PPP2R5E: variants seen among roughly 807,000 people sequenced by gnomAD.
The protein encoded by PPP2R5E is protein phosphatase 2 regulatory subunit B'epsilon.
PPP2R5E carries 4 observed loss-of-function variants against 65.3 expected under a neutral mutation model. The observed-to-expected ratio is 0.06, with a 90% CI of 0.03 to 0.14. The LOEUF is 0.14. PPP2R5E is among the 10% of genes least tolerant of loss of function. PPP2R5E has a pLI of 1.00. For synonymous variants in PPP2R5E, 183 were observed against 187.4 expected (o/e 0.98, Z 0.19); for missense variants, 274 against 556.1 (o/e 0.49, Z 5.10).
chr14:63,391,785 G>C, intron 10 of PPP2R5E, 32 bp downstream of exon 10: 1 of 1,602,860 alleles, frequency 6.2e-7, no homozygotes, highest in Non-Finnish European at 8.5e-7. Context: ...TATTCAGTAA[G>C]CTATGAACAC....
intron 13 of PPP2R5E, among the ~76,000 whole-genome samples, chr14:63,379,051 C>T (rs560819586): frequency 5.4e-5 from 8 of 149,270 alleles, no homozygotes; most frequent in Non-Finnish European, 4.4e-5. Context: ...TTTTTCGAGA[C>T]GGAGTCTCGC....
At chr14:63,468,923 C>CT (rs1889974802) in intron 2 of PPP2R5E, among the ~76,000 whole-genome samples, 1 of 152,162 alleles carries the variant, frequency 6.6e-6, no homozygotes, top group East Asian at 1.9e-4. Flanking sequence ...CCCACACACT[C>CT]TGTTATTTAG....
At chr14:63,423,436 T>C (rs550683721) in intron 3 of PPP2R5E, among the ~76,000 whole-genome samples, 59 of 152,238 alleles carry the variant, frequency 3.9e-4, no homozygotes, top group African/African-American at 1.4e-3. Flanking sequence ...ATGTTTTAAA[T>C]GTTGTTGGTA....
intron 2 of PPP2R5E, among the ~76,000 whole-genome samples, chr14:63,473,958 G>C (rs1022268926): frequency 1.3e-5 from 2 of 152,210 alleles, no homozygotes; most frequent in Admixed American, 1.3e-4. Flanking sequence ...GTTGGAGTGA[G>C]CACATGGTTT....
At chr14:63,397,701 T>C (rs74245180) in intron 5 of PPP2R5E, among the ~76,000 whole-genome samples, 5,290 of 151,790 alleles carry the variant, frequency 0.035, 190 homozygotes, top group African/African-American at 0.084. Flanking sequence ...TGATTATTTC[T>C]GTTGTATGTT....
intron 3 of PPP2R5E, among the ~76,000 whole-genome samples, chr14:63,438,376 T>C (rs1318803387): frequency 6.6e-6 from 1 of 152,210 alleles, no homozygotes; most frequent in Non-Finnish European, 1.5e-5. Context: ...CACTTGCACA[T>C]GCCACAAGCA....
chr14:63,433,032 G>GTTTTTTTTTTTTTTTTTTT (rs747571866), intron 3 of PPP2R5E, among the ~76,000 whole-genome samples: 9 of 96,460 alleles, frequency 9.3e-5, no homozygotes, highest in African/African-American at 1.5e-4. Flanking sequence ...GTTTTGTTTT[G>GTTTTTTTTTTTTTTTTTTT]TTTTTTTTTT....
chr14:63,432,261 G>A (rs1321690683), intron 3 of PPP2R5E, among the ~76,000 whole-genome samples: 1 of 151,986 alleles, frequency 6.6e-6, no homozygotes, highest in Non-Finnish European at 1.5e-5. Flanking sequence ...AACAAACACT[G>A]TTTTCATTGT....
At chr14:63,491,050 A>G (rs113728731) in intron 2 of PPP2R5E, among the ~76,000 whole-genome samples, 2 of 152,148 alleles carry the variant, frequency 1.3e-5, no homozygotes, top group South Asian at 2.1e-4. Flanking sequence ...ACTATGCAGC[A>G]TAAGAAGAAT....
chr14:63,429,541 T>G (rs1189066707), intron 3 of PPP2R5E, among the ~76,000 whole-genome samples: 2 of 152,236 alleles, frequency 1.3e-5, no homozygotes, highest in African/African-American at 4.8e-5. Flanking sequence ...TCATCCAGTT[T>G]ATGTATTCAT....
chr14:63,492,189 T>G (rs181435716), intron 2 of PPP2R5E, among the ~76,000 whole-genome samples: 8 of 152,216 alleles, frequency 5.3e-5, no homozygotes, highest in Admixed American at 2.6e-4. Context: ...TTTTACATCT[T>G]TATATATACC....
chr14:63,387,827 C>A (rs1415521289), intron 11 of PPP2R5E, among the ~76,000 whole-genome samples: 1 of 152,124 alleles, frequency 6.6e-6, no homozygotes, highest in East Asian at 1.9e-4. Flanking sequence ...AATACAGGGG[C>A]CTTATAAGAA....
At chr14:63,520,646 G>A (rs959933806) in intron 2 of PPP2R5E, among the ~76,000 whole-genome samples, 4 of 151,978 alleles carry the variant, frequency 2.6e-5, no homozygotes, top group African/African-American at 9.7e-5. Flanking sequence ...AGAATTTAAG[G>A]CCCTTGGAGG....
chr14:63,483,269 A>G (rs1364094954), intron 2 of PPP2R5E, among the ~76,000 whole-genome samples: 3 of 152,186 alleles, frequency 2.0e-5, no homozygotes. Context: ...TTTAAACAGA[A>G]TGCACTCGCA....
chr14:63,524,007 C>A (rs768576163), intron 2 of PPP2R5E, among the ~76,000 whole-genome samples: 12 of 152,166 alleles, frequency 7.9e-5, no homozygotes, highest in Non-Finnish European at 1.6e-4. Context: ...GTATGCCCTA[C>A]TATTGCCAGA....
intron 3 of PPP2R5E, among the ~76,000 whole-genome samples, chr14:63,428,542 G>GGCAA (rs1204427845): frequency 3.9e-5 from 6 of 152,050 alleles, no homozygotes; most frequent in Admixed American, 3.3e-4. Context: ...CTACTGAAGG[G>GGCAA]GCAAGGTCAA....
At chr14:63,403,986 T>G (rs1885918117) in intron 5 of PPP2R5E, among the ~76,000 whole-genome samples, 1 of 151,952 alleles carries the variant, frequency 6.6e-6, no homozygotes, top group Admixed American at 6.5e-5. Context: ...AAATCTAAAA[T>G]CACAAGTTAA....
chr14:63,507,575 CTTT>C (rs756154248), intron 2 of PPP2R5E, among the ~76,000 whole-genome samples: 60 of 105,514 alleles, frequency 5.7e-4, no homozygotes, highest in Non-Finnish European at 3.7e-4. Context: ...GGGTAATTCT[CTTT>C]TTTTTTTTTT....
chr14:63,427,343 T>C (rs1303522698), intron 3 of PPP2R5E, among the ~76,000 whole-genome samples: 1 of 152,182 alleles, frequency 6.6e-6, no homozygotes, highest in African/African-American at 2.4e-5. Flanking sequence ...TTTTACAGTA[T>C]ATTAGATACA....
Sources: gnomAD v4.1 joint callset for allele counts (sites outside exome capture counted in the v4.1 genomes callset) on GRCh38, gnomAD v4.1.1 for gene constraint, MANE v1.5 for transcripts, NCBI Gene and HGNC (gene_info 2026-07-23, HGNC 2026-07-21) for gene names.